MTRF1: variants seen among roughly 807,000 people sequenced by gnomAD.
MTRF1 encodes the protein mitochondrial translation release factor 1.
A neutral mutation model predicts 62.9 loss-of-function variants in MTRF1; 51 were observed. The ratio of observed to expected loss-of-function variants is 0.81; its 90% CI spans 0.65 to 1.02. MTRF1 has a LOEUF of 1.02. Ranked by LOEUF, MTRF1 falls within the 50% of genes least tolerant of loss-of-function variation. The pLI is 0.00. For synonymous variants in MTRF1, 158 were observed against 181.9 expected (o/e 0.87, Z 1.06); for missense variants, 446 against 530.0 (o/e 0.84, Z 1.56).
At chr13:41,302,602 T>C in the MTRF1 span, among the ~76,000 whole-genome samples, 2 of 151,830 alleles carry the variant, frequency 1.3e-5, no homozygotes, top group Non-Finnish European at 2.9e-5. Flanking sequence ...CAATCATGGC[T>C]CACTGCAACC....
the MTRF1 span, among the ~76,000 whole-genome samples, chr13:41,291,151 G>A: frequency 2.4e-4 from 36 of 151,582 alleles, no homozygotes; most frequent in Non-Finnish European, 4.9e-4. Context: ...TATTCAACAG[G>A]TAAATAAAAG....
chr13:41,225,209 CAAA>C (rs11461910), intron 8 of MTRF1, among the ~76,000 whole-genome samples: 2 of 116,074 alleles, frequency 1.7e-5, no homozygotes, highest in Admixed American at 9.0e-5. Flanking sequence ...GAATCTGTCT[CAAA>C]AAAAAAAAAA....
rs547489991 is a variant in MTRF1 at position 41,219,307 on chromosome 13, A to G, written c.1225-2079T>C. On this transcript the variant is annotated intron_variant, in intron 9 of 9. Coordinates refer to ENST00000379480, the MANE Select transcript of MTRF1 (RefSeq NM_004294.4). ...CTCTGTCTCAAAAAAAAAAAAAAAA[A>G]TGTACCTGGTACTCAAATTATTATA... Among the ~76,000 whole-genome samples, 1,018 of 143,676 alleles carry G rather than the reference A, an allele frequency of 7.1e-3. 13 individuals are homozygous for G. Among genetic ancestry groups the G allele is most frequent in the Admixed American group, 0.03 (434 of 14,230 alleles). 94.3% of individuals were successfully genotyped at this position (143,676 alleles called of 152,430 possible). A position where few individuals can be genotyped will look rare whatever the true frequency, so the allele number is the denominator to read the frequency against.
intron 5 of MTRF1, among the ~76,000 whole-genome samples, chr13:41,248,798 C>CAAT (rs1212036860): frequency 1.3e-5 from 2 of 152,144 alleles, no homozygotes; most frequent in Non-Finnish European, 2.9e-5. Flanking sequence ...GGAGATAATG[C>CAAT]AATATATTTC....
At chr13:41,223,084 T>C (rs2033738766) in intron 9 of MTRF1, among the ~76,000 whole-genome samples, 172 bp downstream of exon 9, 1 of 152,206 alleles carries the variant, frequency 6.6e-6, no homozygotes. Flanking sequence ...AGATCATTAT[T>C]TTTTTAACCA....
At chr13:41,268,214 T>G (rs1282078451), upstream of MTRF1, among the ~76,000 whole-genome samples, 4 of 152,198 alleles carry the variant, frequency 2.6e-5, no homozygotes, top group Admixed American at 6.5e-5. Flanking sequence ...CAGATAGTAA[T>G]GGTATGGGAG....
the MTRF1 span, chr13:41,311,657 C>A: frequency 3.6e-6 from 5 of 1,402,404 alleles, no homozygotes; most frequent in Non-Finnish European, 2.9e-6. Flanking sequence ...GGTCTGGCGG[C>A]GGCCGGCGCG....
chr13:41,225,808 TAAAA>T (rs11368326), intron 8 of MTRF1, among the ~76,000 whole-genome samples: 4 of 121,106 alleles, frequency 3.3e-5, no homozygotes, highest in Non-Finnish European at 3.4e-5. Flanking sequence ...ACTCTGTCAT[TAAAA>T]AAAAAAAAAA....
chr13:41,278,889 G>T, the MTRF1 span, among the ~76,000 whole-genome samples: 1 of 152,142 alleles, frequency 6.6e-6, no homozygotes, highest in African/African-American at 2.4e-5. Flanking sequence ...CTAGTTTCAG[G>T]CCATGATGGG....
At chr13:41,278,164 G>A in the MTRF1 span, among the ~76,000 whole-genome samples, 1 of 152,330 alleles carries the variant, frequency 6.6e-6, no homozygotes, top group East Asian at 1.9e-4. Flanking sequence ...CTTTCAAGGT[G>A]TTAATGCAAT....
chr13:41,256,121 C>G (rs1356922311), intron 2 of MTRF1, among the ~76,000 whole-genome samples: 1 of 152,046 alleles, frequency 6.6e-6, no homozygotes, highest in Non-Finnish European at 1.5e-5. Flanking sequence ...GCTGGGGAGA[C>G]AACGAAGAAA....
chr13:41,303,729 G>A, the MTRF1 span, among the ~76,000 whole-genome samples: 1 of 152,212 alleles, frequency 6.6e-6, no homozygotes, highest in African/African-American at 2.4e-5. Context: ...TAACGGAACA[G>A]ATTAATAACG....
chr13:41,269,392 G>T, the MTRF1 span, among the ~76,000 whole-genome samples: 1 of 151,526 alleles, frequency 6.6e-6, no homozygotes, highest in Admixed American at 6.6e-5. Context: ...TAGAGACAGG[G>T]TTTCACCATG....
At chr13:41,235,840 GACACACACACACACAGAA>G (rs2036414625) in intron 6 of MTRF1, 1 of 112,792 alleles carries the variant, frequency 8.9e-6, no homozygotes, top group Non-Finnish European at 2.0e-5. Flanking sequence ...CACAGACACA[GACACACACACACACAGAA>G]ACACACACAC....
the MTRF1 span, among the ~76,000 whole-genome samples, chr13:41,293,943 G>A: frequency 4.7e-4 from 72 of 152,034 alleles, 1 homozygote; most frequent in South Asian, 0.015. Flanking sequence ...AATGAACCAG[G>A]TAGGTAAAAA....
intron 8 of MTRF1, 27 bp downstream of exon 8, chr13:41,226,405 T>A (rs775148718): frequency 6.3e-7 from 1 of 1,593,418 alleles, no homozygotes; most frequent in Non-Finnish European, 8.5e-7. Context: ...AAACAGTCAC[T>A]AAATTATTAT....
chr13:41,224,858 A>T (rs1478394129), intron 8 of MTRF1, among the ~76,000 whole-genome samples: 1 of 152,204 alleles, frequency 6.6e-6, no homozygotes, highest in Non-Finnish European at 1.5e-5. Context: ...TGTCAATCAG[A>T]CTACTGAAGA....
intron 7 of MTRF1, among the ~76,000 whole-genome samples, chr13:41,232,081 A>G (rs1157501808): frequency 1.3e-5 from 2 of 152,092 alleles, no homozygotes; most frequent in African/African-American, 2.4e-5. Flanking sequence ...TCAAAAAGAA[A>G]AAAAAGAAAA....
intron 5 of MTRF1, among the ~76,000 whole-genome samples, chr13:41,249,645 G>GGA (rs2038802804): frequency 6.6e-5 from 1 of 15,144 alleles, no homozygotes; most frequent in Non-Finnish European, 1.5e-4. Context: ...TTTTTTTTTT[G>GGA]GAGATGGGAG....
Sources: gnomAD v4.1 joint callset for allele counts (sites outside exome capture counted in the v4.1 genomes callset) on GRCh38, gnomAD v4.1.1 for gene constraint, MANE v1.5 for transcripts, NCBI Gene and HGNC (gene_info 2026-07-23, HGNC 2026-07-21) for gene names.